The following MEF2C variants were observed in gnomAD, a reference collection of about 807,000 sequenced individuals.
The protein encoded by MEF2C is myocyte-specific enhancer factor 2C.
MEF2C carries 6 observed loss-of-function variants against 50.5 expected under a neutral mutation model. That is an observed-to-expected ratio of 0.12 (90% CI 0.07 to 0.23). MEF2C has a LOEUF of 0.23. MEF2C is among the 10% of genes least tolerant of loss of function. MEF2C has a pLI of 1.00. For synonymous variants in MEF2C, 183 were observed against 228.0 expected (o/e 0.80, Z 1.78); for missense variants, 276 against 605.0 (o/e 0.46, Z 5.70).
intron 10 of MEF2C, among the ~76,000 whole-genome samples, chr5:88,728,265 C>T (rs961260554): frequency 7.2e-5 from 11 of 151,942 alleles, no homozygotes; most frequent in Non-Finnish European, 1.6e-4. Context: ...TAGCCTAAAA[C>T]AATAAGGAAA....
chr5:88,892,335 G>C (rs762954816), intron 1 of MEF2C: 5 of 152,146 alleles, frequency 3.3e-5, no homozygotes, highest in Non-Finnish European at 7.4e-5. Context: ...TTCCTCATTT[G>C]TAAAATGTGG....
intron 4 of MEF2C, among the ~76,000 whole-genome samples, chr5:88,755,566 T>C (rs572982445): frequency 1.1e-3 from 163 of 152,328 alleles, no homozygotes; most frequent in African/African-American, 3.8e-3. Context: ...TGGGTGAGTA[T>C]CTACACTGGA....
At chr5:88,790,100 G>A (rs770108038) in intron 3 of MEF2C, among the ~76,000 whole-genome samples, 50 of 152,280 alleles carry the variant, frequency 3.3e-4, no homozygotes, top group Non-Finnish European at 5.4e-4. Context: ...CACACACTAA[G>A]GAGTGAAATG....
At chr5:88,734,744 T>TA (rs1210833465) in intron 6 of MEF2C, 1 of 982,980 alleles carries the variant, frequency 1.0e-6, no homozygotes, top group East Asian at 1.1e-4. Flanking sequence ...ACCTCAAAAC[T>TA]AAAAAAATTG....
Position 88,894,993 on chromosome 5 carries a change from T to C in MEF2C, c.-239-7395A>G, listed in dbSNP as rs1834966852. ...TGGGGAAGGTGGCAGGAACTACCCA[T>C]GATAATGATTTTGCCGAGAGAAGCA... On this transcript the variant is annotated intron_variant, in intron 1 of 11. Coordinates refer to the MEF2C transcript ENST00000340208. Among the ~76,000 whole-genome samples the C allele has an allele frequency of 2.0e-5, 3 of 152,290 alleles. 1 individual carries two copies. The South Asian group carries it at 6.2e-4, about 32-fold the overall frequency.
Position 88,749,051 on chromosome 5 carries a change from G to C in MEF2C, c.637+19C>G, listed in dbSNP as rs371668591. 6.4e-6 allele frequency: 10 copies of C among 1,565,254 alleles called. No homozygotes were observed. In the African/African-American group the frequency reaches 1.2e-4, roughly 19 times the overall value. ...ACTCAGAACAATGATACATACTGCA[G>C]TATGGAGTCTGGGCTTACCTGCACT... On this transcript the variant is annotated intron_variant, in intron 6 of 10. Coordinates refer to ENST00000504921, the MANE Select transcript of MEF2C (RefSeq NM_002397.5).
chr5:88,895,977 C>G (rs1314476745), intron 1 of MEF2C, among the ~76,000 whole-genome samples: 2 of 152,138 alleles, frequency 1.3e-5, no homozygotes, highest in African/African-American at 2.4e-5. Context: ...TCCACAGATA[C>G]CCTGCTGTGT....
rs182334560 is a variant in MEF2C at position 88,866,277 on chromosome 5, A to G, written c.-143+16678T>C. On this transcript the variant is annotated intron_variant, in intron 1 of 10. Coordinates refer to ENST00000504921, the MANE Select transcript of MEF2C (RefSeq NM_002397.5). ...TGCTTGCATGGTAATCCAAACAAGC[A>G]TTTCATTCTCTTCAACAGTGAAACA... Among the ~76,000 whole-genome samples, 39 of 152,364 alleles carry G rather than the reference A, an allele frequency of 2.6e-4. No individual in the cohort carries two copies. In the South Asian group the frequency reaches 7.5e-3, roughly 29 times the overall value.
intron 1 of MEF2C, among the ~76,000 whole-genome samples, chr5:88,848,792 GAAGT>G (rs1820225708): frequency 6.6e-6 from 1 of 152,136 alleles, no homozygotes; most frequent in Non-Finnish European, 1.5e-5. Context: ...GGGTGATGTA[GAAGT>G]AAGTAGTATG....
intron 1 of MEF2C, among the ~76,000 whole-genome samples, chr5:88,833,778 G>A (rs567564306): frequency 6.6e-5 from 10 of 152,196 alleles, no homozygotes; most frequent in Admixed American, 2.0e-4. Flanking sequence ...TGGCTACTAC[G>A]ATTTTTTTTA....
chr5:88,837,234 T>G (rs574839380), intron 1 of MEF2C, among the ~76,000 whole-genome samples: 4 of 152,088 alleles, frequency 2.6e-5, no homozygotes, highest in Non-Finnish European at 5.9e-5. Context: ...GACCAATACT[T>G]GGCTCAGTGC....
At position 88,731,530 on chromosome 5, in the gene MEF2C, A is replaced by AT. The variant is rs11439565; in HGVS notation, c.810+198dup. ...TGAAGTTCACCAGATATATATATATATTTTTTTTACACGGAAAAGGGAAAT... is the reference window on the plus strand; with the variant it reads ...TGAAGTTCACCAGATATATATATATATTTTTTTTTACACGGAAAAGGGAAAT... On this transcript the variant is annotated intron_variant, in intron 7 of 10. Coordinates refer to ENST00000504921, the MANE Select transcript of MEF2C (RefSeq NM_002397.5). The AT allele has an allele frequency of 0.11, 57,140 of 512,522 alleles. 3,063 individuals are homozygous for AT. The highest frequency in any genetic ancestry group is 0.14 in the Middle Eastern group (250 of 1,832). 31.7% of individuals were successfully genotyped at this position (512,522 alleles called of 1,614,324 possible). A position where few individuals can be genotyped will look rare whatever the true frequency, so the allele number is the denominator to read the frequency against.
intron 3 of MEF2C, among the ~76,000 whole-genome samples, chr5:88,777,789 G>A (rs1356820811): frequency 6.6e-6 from 1 of 151,178 alleles, no homozygotes; most frequent in Non-Finnish European, 1.5e-5. Context: ...GTACTATCTA[G>A]AATAGATGGG....
chr5:88,880,017 T>C (rs1832323175), intron 1 of MEF2C, among the ~76,000 whole-genome samples: 1 of 150,850 alleles, frequency 6.6e-6, no homozygotes, highest in Non-Finnish European at 1.5e-5. Flanking sequence ...CAGATCTCGG[T>C]GAACAGTCAA....
chr5:88,890,051 TGACA>T (rs1480823887), intron 1 of MEF2C, among the ~76,000 whole-genome samples: 1 of 152,172 alleles, frequency 6.6e-6, no homozygotes, highest in African/African-American at 2.4e-5. Flanking sequence ...GTTTTTCACC[TGACA>T]GACCAATAGG....
At chr5:88,788,864 A>G (rs1346871665) in intron 3 of MEF2C, among the ~76,000 whole-genome samples, 1 of 152,178 alleles carries the variant, frequency 6.6e-6, no homozygotes, top group Non-Finnish European at 1.5e-5. Flanking sequence ...TGTGTACAGT[A>G]ACTTTCAAAG....
intron 3 of MEF2C, among the ~76,000 whole-genome samples, chr5:88,764,888 T>A (rs1580319227): frequency 6.7e-6 from 1 of 150,308 alleles, no homozygotes; most frequent in East Asian, 2.0e-4. Context: ...AAAATAGAGC[T>A]AAAATATTGA....
At chr5:88,889,832 G>A (rs781382405) in intron 1 of MEF2C, among the ~76,000 whole-genome samples, 47 of 152,278 alleles carry the variant, frequency 3.1e-4, no homozygotes, top group South Asian at 2.1e-4. Context: ...CGATCCAAAA[G>A]AGCTCGGGAT....
At chr5:88,797,186 T>C (rs1347805285) in intron 3 of MEF2C, among the ~76,000 whole-genome samples, 1 of 152,130 alleles carries the variant, frequency 6.6e-6, no homozygotes, top group Non-Finnish European at 1.5e-5. Context: ...TCCTTGTTAA[T>C]TTTCTGTCTC....
Sources: allele counts gnomAD v4.1 joint callset (sites outside exome capture counted in the v4.1 genomes callset), GRCh38; gene constraint gnomAD v4.1.1; transcripts MANE v1.5; gene names NCBI Gene and HGNC (gene_info 2026-07-23, HGNC 2026-07-21).